ADAMTS6: variants seen among roughly 807,000 people sequenced by gnomAD.
The protein encoded by ADAMTS6 is A disintegrin and metalloproteinase with thrombospondin motifs 6.
In ADAMTS6, 23 loss-of-function variants were observed where a neutral mutation model predicts 144.3. That is an observed-to-expected ratio of 0.16 (90% CI 0.11 to 0.23). The LOEUF is 0.23. Ranked by LOEUF, ADAMTS6 falls within the 10% of genes least tolerant of loss-of-function variation. The pLI, the probability that ADAMTS6 is intolerant of heterozygous loss-of-function variation, is 1.00. For missense variants in ADAMTS6, 999 were observed against 1,379.6 expected, an observed-to-expected ratio of 0.72 and a Z score of 4.37; for synonymous variants, 444 against 457.5, an observed-to-expected ratio of 0.97 and a Z score of 0.38.
Position 65,465,562 on chromosome 5 carries a change from C to A in ADAMTS6, c.462+5216G>T, listed in dbSNP as rs957731854. Among the ~76,000 whole-genome samples, 41 of 152,308 alleles carry A rather than the reference C, an allele frequency of 2.7e-4. 1 individual carries two copies. Among genetic ancestry groups the A allele is most frequent in the African/African-American group, 9.4e-4 (39 of 41,568 alleles). On this transcript the variant is annotated intron_variant, in intron 3 of 24. Coordinates refer to ENST00000381055, the MANE Select transcript of ADAMTS6 (RefSeq NM_197941.4). Reference sequence around the variant, plus strand: ...TCCTTGAAATAACTGTCTACATACTCTTTTTCTCTCCTCCCACTCCATTTT... The same window carrying A: ...TCCTTGAAATAACTGTCTACATACTATTTTTCTCTCCTCCCACTCCATTTT...
intron 7 of ADAMTS6, among the ~76,000 whole-genome samples, chr5:65,388,683 T>C (rs56319504): frequency 3.3e-5 from 5 of 152,290 alleles, no homozygotes; most frequent in African/African-American, 1.2e-4. Flanking sequence ...GACGATCTTT[T>C]AAAAAATGAA....
At chr5:65,270,760 T>C (rs991697953) in intron 12 of ADAMTS6, among the ~76,000 whole-genome samples, 1 of 152,164 alleles carries the variant, frequency 6.6e-6, no homozygotes, top group East Asian at 1.9e-4. Flanking sequence ...CACTCTTATG[T>C]TGTGAATATA....
At chr5:65,273,587 T>G in intron 11 of ADAMTS6, 140 bp from the exon 12 acceptor site, 1 of 565,748 alleles carries the variant, frequency 1.8e-6, no homozygotes, top group Non-Finnish European at 3.1e-6. Flanking sequence ...GTTGAGGATT[T>G]TGGAGGAGGT....
chr5:65,449,353 C>T lies in ADAMTS6; in HGVS notation c.1073+2122G>A, dbSNP rs188524622. Among the ~76,000 whole-genome samples the T allele has an allele frequency of 3.8e-3, 585 of 152,290 alleles. 6 individuals are homozygous for T. Among genetic ancestry groups the T allele is most frequent in the African/African-American group, 0.013 (558 of 41,570 alleles). On this transcript the variant is annotated intron_variant, in intron 7 of 24. Coordinates refer to ENST00000381055, the MANE Select transcript of ADAMTS6 (RefSeq NM_197941.4). ...ATTTTGGGCCAGGCGCGGTGGCTCA[C>T]GCCTGTAATCCCCAGCACTTTGGGA...
At chr5:65,424,027 G>A (rs1756297712) in intron 7 of ADAMTS6, among the ~76,000 whole-genome samples, 1 of 151,880 alleles carries the variant, frequency 6.6e-6, no homozygotes, top group Admixed American at 6.6e-5. Context: ...GTAGTTATAA[G>A]TAGTTCACTA....
chr5:65,208,498 C>G (rs1290204145), intron 20 of ADAMTS6, among the ~76,000 whole-genome samples: 1 of 152,116 alleles, frequency 6.6e-6, no homozygotes, highest in African/African-American at 2.4e-5. Context: ...TATCATGTTT[C>G]CCTACTGAGG....
At chr5:65,267,820 G>A (rs116818460) in intron 12 of ADAMTS6, among the ~76,000 whole-genome samples, 2,350 of 152,250 alleles carry the variant, frequency 0.015, 58 homozygotes, top group African/African-American at 0.054. Flanking sequence ...TTTGCAGGAA[G>A]TAATATTAGT....
chr5:65,296,905 C>T (rs960939169), intron 10 of ADAMTS6, among the ~76,000 whole-genome samples: 1 of 152,090 alleles, frequency 6.6e-6, no homozygotes, highest in African/African-American at 2.4e-5. Context: ...ATTTTTGAAA[C>T]CTTTATGAAA....
chr5:65,297,320 G>A (rs1233641040), intron 10 of ADAMTS6: 8 of 446,948 alleles, frequency 1.8e-5, no homozygotes, highest in East Asian at 7.0e-5. Flanking sequence ...AGAATGACAC[G>A]AGAGACTTTG....
chr5:65,373,020 C>T (rs1751128586), intron 7 of ADAMTS6, among the ~76,000 whole-genome samples: 1 of 152,110 alleles, frequency 6.6e-6, no homozygotes, highest in Admixed American at 6.6e-5. Flanking sequence ...GGGTACGTAA[C>T]AAAATGAAGG....
intron 7 of ADAMTS6, among the ~76,000 whole-genome samples, chr5:65,335,773 T>C (rs1365330296): frequency 1.3e-5 from 2 of 152,134 alleles, no homozygotes; most frequent in Non-Finnish European, 2.9e-5. Flanking sequence ...TAGTTAGAGT[T>C]ACATTATGCA....
At chr5:65,476,055 A>G (rs1248300477) in intron 1 of ADAMTS6, among the ~76,000 whole-genome samples, 2 of 68 alleles carry the variant, frequency 0.029, no homozygotes, top group African/African-American at 0.062. Context: ...TCTGACTTCC[A>G]TCTGCTAGCC....
chr5:65,253,517 A>G (rs556516302), intron 14 of ADAMTS6, among the ~76,000 whole-genome samples: 1 of 152,296 alleles, frequency 6.6e-6, no homozygotes, highest in South Asian at 2.1e-4. Context: ...TCTTATTTAT[A>G]AGACCATTCA....
At chr5:65,403,273 A>G (rs1012076258) in intron 7 of ADAMTS6, among the ~76,000 whole-genome samples, 1 of 151,812 alleles carries the variant, frequency 6.6e-6, no homozygotes, top group African/African-American at 2.4e-5. Flanking sequence ...AGGAATCCAG[A>G]CTCCACCTTT....
chr5:65,266,076 G>T (rs1482212910), intron 12 of ADAMTS6, among the ~76,000 whole-genome samples: 1 of 151,628 alleles, frequency 6.6e-6, no homozygotes, highest in Non-Finnish European at 1.5e-5. Context: ...AAAATAGTCA[G>T]GTTTTTTCAT....
At chr5:65,478,106 G>A (rs375600656) in intron 1 of ADAMTS6, among the ~76,000 whole-genome samples, 10 of 151,586 alleles carry the variant, frequency 6.6e-5, no homozygotes, top group South Asian at 4.2e-4. Context: ...CAGCCTGGGT[G>A]ACAGAGCGAG....
intron 7 of ADAMTS6, among the ~76,000 whole-genome samples, chr5:65,409,208 G>A (rs1375309759): frequency 3.3e-5 from 5 of 151,400 alleles, no homozygotes; most frequent in Admixed American, 6.5e-5. Context: ...AATGAATTCA[G>A]GAGCTGGTTT....
Position 65,266,256 on chromosome 5 carries a change from C to T in ADAMTS6, c.1621-3294G>A, listed in dbSNP as rs530700742. Among the ~76,000 whole-genome samples, 5 of 151,918 alleles carry T rather than the reference C, an allele frequency of 3.3e-5. No individual in the cohort carries two copies. The South Asian group carries it at 1.0e-3, about 32-fold the overall frequency. On this transcript the variant is annotated intron_variant, in intron 12 of 24. Coordinates refer to ENST00000381055, the MANE Select transcript of ADAMTS6 (RefSeq NM_197941.4). Reference sequence around the variant, plus strand: ...TTAGGTAAATGATAAATACAATATTCACTTCGTAAAATGCTGCTCAGTGTT... The same window carrying T: ...TTAGGTAAATGATAAATACAATATTTACTTCGTAAAATGCTGCTCAGTGTT...
intron 17 of ADAMTS6, 58 bp downstream of exon 17, chr5:65,224,866 G>A (rs1580110307): frequency 6.6e-7 from 1 of 1,521,754 alleles, no homozygotes; most frequent in East Asian, 2.4e-5. Flanking sequence ...CGAAGCGAGG[G>A]TTTTGGCTCC....
Sources: gnomAD v4.1 joint callset for allele counts (sites outside exome capture counted in the v4.1 genomes callset) on GRCh38, gnomAD v4.1.1 for gene constraint, MANE v1.5 for transcripts, NCBI Gene and HGNC (gene_info 2026-07-23, HGNC 2026-07-21) for gene names.